Variants in ORC4 observed in about 807,000 individuals in gnomAD.
ORC4 encodes the protein origin recognition complex, subunit 4 homolog.
Under a neutral mutation model 63.9 loss-of-function variants are expected in ORC4, and 55 were observed. That is an observed-to-expected ratio of 0.86 (90% confidence interval 0.69 to 1.08). The LOEUF (loss-of-function observed/expected upper bound fraction) is 1.08. Ranked by LOEUF, ORC4 falls within the 50% of genes least tolerant of loss-of-function variation. The pLI, the probability that ORC4 is intolerant of heterozygous loss-of-function variation, is 0.00. For synonymous variants in ORC4, 150 were observed against 168.5 expected (o/e 0.89, Z 0.85); for missense variants, 511 against 504.4 (o/e 1.01, Z -0.13).
At chr2:147,991,716 T>C (rs1242996358) in intron 1 of ORC4, among the ~76,000 whole-genome samples, 1 of 151,982 alleles carries the variant, frequency 6.6e-6, no homozygotes, top group African/African-American at 2.4e-5. Context: ...TAATCCCAGA[T>C]ACTCGGGAAG....
intron 8 of ORC4, among the ~76,000 whole-genome samples, chr2:147,952,142 CT>C (rs1184087020): frequency 2.0e-5 from 3 of 152,222 alleles, no homozygotes; most frequent in Admixed American, 6.5e-5. Context: ...TGATTTCATA[CT>C]TTTTTCTTCA....
chr2:148,019,331 T>C (rs1267641223), intron 1 of ORC4, among the ~76,000 whole-genome samples: 1 of 152,236 alleles, frequency 6.6e-6, no homozygotes, highest in African/African-American at 2.4e-5. Context: ...GGCTCACGCC[T>C]GTAATCCCAG....
intron 1 of ORC4, among the ~76,000 whole-genome samples, chr2:147,988,298 T>G (rs1414081820): frequency 6.6e-6 from 1 of 151,764 alleles, no homozygotes; most frequent in Non-Finnish European, 1.5e-5. Context: ...GTCAGCTCAT[T>G]AATACACAAT....
At chr2:148,001,198 GA>G (rs1692281543) in intron 1 of ORC4, among the ~76,000 whole-genome samples, 1 of 152,090 alleles carries the variant, frequency 6.6e-6, no homozygotes, top group Non-Finnish European at 1.5e-5. Context: ...CTGTGACAAA[GA>G]AGTAAGAACT....
intron 1 of ORC4, among the ~76,000 whole-genome samples, chr2:148,002,249 T>C (rs374433077): frequency 6.6e-6 from 1 of 152,166 alleles, no homozygotes; most frequent in African/African-American, 2.4e-5. Context: ...AACTCAGCTA[T>C]GGACCAAGTG....
In ORC4 at chr2:147,934,650, G is replaced by C. The variant is rs1687945617; in HGVS notation, c.*860C>G. 1 of 152,080 alleles carries C rather than the reference G, an allele frequency of 6.6e-6. No individual in the cohort carries two copies. The highest frequency in any genetic ancestry group is 6.6e-5 in the Admixed American group (1 of 15,258). The allele number at this position is 152,080 out of a possible 1,614,324, so 9.4% of individuals were successfully genotyped here. A position where few individuals can be genotyped will look rare whatever the true frequency, so the allele number is the denominator to read the frequency against. On this transcript the variant is annotated 3_prime_UTR_variant, in exon 14 of 14. Coordinates refer to ENST00000392857, the MANE Select transcript of ORC4 (RefSeq NM_181741.4). ...ACACTTAGGCTATACAGATAGCCTA[G>C]CCTATTACTCTTCAGCTATAGCACT...
chr2:147,973,005 G>C (rs1199485524), intron 3 of ORC4, among the ~76,000 whole-genome samples, 176 bp from the exon 4 acceptor site: 2 of 152,046 alleles, frequency 1.3e-5, no homozygotes, highest in African/African-American at 2.4e-5. Flanking sequence ...GAAATAGTAG[G>C]GCAGTATTGA....
At chr2:147,995,423 C>T (rs566805620) in intron 1 of ORC4, among the ~76,000 whole-genome samples, 2 of 152,148 alleles carry the variant, frequency 1.3e-5, no homozygotes, top group East Asian at 3.9e-4. Flanking sequence ...GTGCGTGGGG[C>T]CAAATAAGGG....
chr2:147,993,564 C>T (rs1691755524), intron 1 of ORC4, among the ~76,000 whole-genome samples: 1 of 152,126 alleles, frequency 6.6e-6, no homozygotes. Context: ...TTCTCCAATT[C>T]TGTTTTGCTA....
At chr2:147,996,876 T>G (rs996241511) in intron 1 of ORC4, among the ~76,000 whole-genome samples, 4 of 152,214 alleles carry the variant, frequency 2.6e-5, no homozygotes, top group Admixed American at 1.3e-4. Flanking sequence ...CATATTTGTT[T>G]TACATAATCT....
At position 147,931,901 on chromosome 2, in the gene ORC4, CAG is replaced by C. The variant is rs1193995473; in HGVS notation, c.*3607_*3608del. ...ATTCCCTTTGAAAACTGGCACAAGACAGGGATGCCCTCTCTCACCACTCGTAT... is the reference window on the plus strand; with the variant it reads ...ATTCCCTTTGAAAACTGGCACAAGACGGATGCCCTCTCTCACCACTCGTAT... On this transcript the variant is annotated 3_prime_UTR_variant, in exon 14 of 14. Coordinates refer to ENST00000392857, the MANE Select transcript of ORC4 (RefSeq NM_181741.4). The C allele has an allele frequency of 6.6e-6, 1 of 151,418 alleles. No homozygotes were observed. The highest frequency in any genetic ancestry group is 1.5e-5 in the Non-Finnish European group (1 of 67,882). 9.4% of individuals were successfully genotyped at this position (151,418 alleles called of 1,614,324 possible).
chr2:148,003,952 CTATA>C (rs1421737349), intron 1 of ORC4, among the ~76,000 whole-genome samples: 1 of 152,078 alleles, frequency 6.6e-6, no homozygotes, highest in Non-Finnish European at 1.5e-5. Context: ...ACAAGCATTC[CTATA>C]TACCAATAAT....
At chr2:148,002,407 A>G (rs986533651) in intron 1 of ORC4, among the ~76,000 whole-genome samples, 9 of 152,216 alleles carry the variant, frequency 5.9e-5, no homozygotes, top group Non-Finnish European at 1.0e-4. Context: ...GTCATAACAA[A>G]CAGTCTCCCA....
intron 1 of ORC4, among the ~76,000 whole-genome samples, chr2:148,001,224 G>T (rs1323795320): frequency 6.6e-6 from 1 of 152,072 alleles, no homozygotes; most frequent in Non-Finnish European, 1.5e-5. Flanking sequence ...TTAATCATAA[G>T]CTATGGAGAA....
chr2:147,966,693 G>A (rs1689912418), intron 4 of ORC4, among the ~76,000 whole-genome samples: 1 of 152,086 alleles, frequency 6.6e-6, no homozygotes, highest in African/African-American at 2.4e-5. Flanking sequence ...AACAAATAAT[G>A]AGGTAGAATC....
At chr2:147,989,544 A>G (rs1282744357) in intron 1 of ORC4, among the ~76,000 whole-genome samples, 2 of 152,122 alleles carry the variant, frequency 1.3e-5, no homozygotes, top group African/African-American at 2.4e-5. Flanking sequence ...CATCTCTACT[A>G]AAAATACAAA....
intron 5 of ORC4, 87 bp from the exon 6 acceptor site, chr2:147,958,470 C>A: frequency 2.2e-6 from 2 of 913,816 alleles, no homozygotes; most frequent in Non-Finnish European, 3.5e-6. Context: ...GTAAATCTTC[C>A]CAGTCAAAGC....
chr2:147,989,295 G>C (rs1400191326), intron 1 of ORC4, among the ~76,000 whole-genome samples: 1 of 152,148 alleles, frequency 6.6e-6, no homozygotes, highest in Admixed American at 6.6e-5. Context: ...GGTGGAGTAT[G>C]GGGGCATAAC....
At chr2:147,940,016 G>T (rs1688272688) in intron 10 of ORC4, among the ~76,000 whole-genome samples, 1 of 152,108 alleles carries the variant, frequency 6.6e-6, no homozygotes. Context: ...AATTATCCAA[G>T]AAACTCTCCT....
Sources: gnomAD v4.1 joint callset for allele counts (sites outside exome capture counted in the v4.1 genomes callset) on GRCh38, gnomAD v4.1.1 for gene constraint, MANE v1.5 for transcripts, NCBI Gene and HGNC (gene_info 2026-07-23, HGNC 2026-07-21) for gene names.